Variants in FHIP1A observed in about 807,000 individuals in gnomAD.
FHIP1A encodes the protein FHF complex subunit HOOK-interacting protein 1A.
In FHIP1A, 61 loss-of-function variants were observed where a neutral mutation model predicts 88.6. The observed-to-expected ratio is 0.69, with a 90% confidence interval of 0.56 to 0.85. The LOEUF is 0.85. FHIP1A is among the 40% of genes least tolerant of loss of function. FHIP1A has a pLI of 0.00. For missense variants in FHIP1A, 1,154 were observed against 1,273.5 expected (o/e 0.91, Z 1.43); for synonymous variants, 478 against 496.0 (o/e 0.96, Z 0.48).
chr4:151,658,121 G>A (rs753184030), intron 13 of FHIP1A, among the ~76,000 whole-genome samples: 1 of 152,192 alleles, frequency 6.6e-6, no homozygotes, highest in Non-Finnish European at 1.5e-5. Context: ...GCATCTCTGT[G>A]AGAAGGTAGA....
chr4:151,650,157 C>T lies in FHIP1A; in HGVS notation c.2116C>T (p.His706Tyr), dbSNP rs372962724. ...GAATAGGGACAATTCAGACCCGTTT[C>T]ACAGTGAGCCCAAGGAGCCAAAGCA... Reference protein sequence around the residue: ...EWNRDNSDPFHSEPKEPKQER... With the variant: ...EWNRDNSDPFYSEPKEPKQER... Residue 706 changes from histidine to tyrosine, a missense_variant, in exon 11 of 14, where the codon CAC (histidine) becomes TAC (tyrosine). By Grantham distance (83) the His-to-Tyr change is moderately conservative. Transcript: ENST00000435205. The T allele has an allele frequency of 6.4e-6, 10 of 1,551,602 alleles. No individual in the cohort carries two copies. The African/African-American group carries it at 6.8e-5, about 11-fold the overall frequency.
chr4:151,521,582 T>C (rs918414625), intron 3 of FHIP1A, among the ~76,000 whole-genome samples: 1 of 152,202 alleles, frequency 6.6e-6, no homozygotes, highest in African/African-American at 2.4e-5. Context: ...AACAGTATCA[T>C]AGGAACCTTG....
intron 1 of FHIP1A, among the ~76,000 whole-genome samples, chr4:151,445,479 G>A (rs1728560475): frequency 6.6e-6 from 1 of 151,972 alleles, no homozygotes; most frequent in African/African-American, 2.4e-5. Context: ...GGGTGGAGGA[G>A]TGGGGATGAA....
chr4:151,556,821 G>A (rs916663470), intron 3 of FHIP1A, among the ~76,000 whole-genome samples: 2 of 152,192 alleles, frequency 1.3e-5, no homozygotes, highest in African/African-American at 2.4e-5. Flanking sequence ...CATAGTGTGG[G>A]TATCTCACTG....
chr4:151,499,845 G>C (rs528486304), intron 3 of FHIP1A, among the ~76,000 whole-genome samples: 1 of 152,162 alleles, frequency 6.6e-6, no homozygotes, highest in Non-Finnish European at 1.5e-5. Flanking sequence ...AACAGCATGA[G>C]AGTAACCGCC....
chr4:151,607,734 G>A (rs1735127316), intron 7 of FHIP1A, among the ~76,000 whole-genome samples: 1 of 152,066 alleles, frequency 6.6e-6, no homozygotes, highest in South Asian at 2.1e-4. Flanking sequence ...ACCTTATCGG[G>A]CTTTTGTAAA....
Position 151,667,823 on chromosome 4 carries a change from T to TTCG in FHIP1A, c.*5070_*5072dup, listed in dbSNP as rs1490442013. Among the ~76,000 whole-genome samples the TTCG allele has an allele frequency of 2.6e-5, 4 of 152,254 alleles. No homozygotes were observed. Among genetic ancestry groups the TTCG allele is most frequent in the Non-Finnish European group, 5.9e-5 (4 of 68,048 alleles). ...GGCCAATAGGACCTGTCAGCATGAC[T>TTCG]TCGACATGCATTCCAGGCATCTTTC... On this transcript the variant is annotated 3_prime_UTR_variant, in exon 14 of 14. Coordinates refer to ENST00000435205, the MANE Select transcript of FHIP1A (RefSeq NM_001109977.3).
chr4:151,471,285 CTT>C (rs35143840), intron 2 of FHIP1A, among the ~76,000 whole-genome samples: 230 of 136,190 alleles, frequency 1.7e-3, no homozygotes, highest in Middle Eastern at 7.7e-3. Context: ...GGAATTGTTC[CTT>C]TTTTTTTTTT....
intron 4 of FHIP1A, among the ~76,000 whole-genome samples, chr4:151,576,318 G>A (rs533792317): frequency 6.6e-6 from 1 of 152,198 alleles, no homozygotes; most frequent in South Asian, 2.1e-4. Flanking sequence ...AACCAATTTT[G>A]TTTTTTGTTT....
At chr4:151,604,322 C>T (rs1202818743) in intron 7 of FHIP1A, among the ~76,000 whole-genome samples, 1 of 152,006 alleles carries the variant, frequency 6.6e-6, no homozygotes, top group African/African-American at 2.4e-5. Context: ...ACCCTGCTTC[C>T]CTGCTCTTTC....
At chr4:151,570,422 T>A (rs1462683124) in intron 4 of FHIP1A, among the ~76,000 whole-genome samples, 1 of 152,136 alleles carries the variant, frequency 6.6e-6, no homozygotes, top group Admixed American at 6.5e-5. Context: ...ATTCTATCAC[T>A]CTTACACCAA....
chr4:151,584,690 A>T (rs1340262070), intron 5 of FHIP1A, among the ~76,000 whole-genome samples: 1 of 152,112 alleles, frequency 6.6e-6, no homozygotes. Context: ...ATGTTGTCCT[A>T]TAAAACCCTG....
At chr4:151,518,076 C>T (rs1299911596) in intron 3 of FHIP1A, among the ~76,000 whole-genome samples, 1 of 152,168 alleles carries the variant, frequency 6.6e-6, no homozygotes, top group African/African-American at 2.4e-5. Context: ...TGTCCTAGGC[C>T]TTCACATTCA....
rs1736945167 is a variant in FHIP1A at position 151,649,850 on chromosome 4, G to T, written c.1809G>T (p.Glu603Asp). 1 of 1,551,548 alleles carries T rather than the reference G, an allele frequency of 6.4e-7. No homozygotes were observed. The highest frequency in any genetic ancestry group is 1.4e-5 in the African/African-American group (1 of 73,032). ...VGSPGPYDDL[E>D]VSGPPAPIDP... ...CCCCAGGGCCTTATGATGATCTGGA[G>T]GTTTCAGGCCCCCCAGCACCCATTG... The change falls in exon 11 of 14, where the codon GAG (glutamate) becomes GAT (aspartate). Residue 603 changes from glutamate (E) to aspartate (D), a missense_variant. By Grantham distance (45) the Glu-to-Asp change is conservative. Coordinates refer to ENST00000435205, the MANE Select transcript of FHIP1A (RefSeq NM_001109977.3).
intron 13 of FHIP1A, among the ~76,000 whole-genome samples, chr4:151,660,629 G>A (rs560627005): frequency 7.9e-5 from 12 of 152,362 alleles, no homozygotes; most frequent in African/African-American, 2.6e-4. Context: ...GAGTCTAGCA[G>A]AGGTGATAAA....
At chr4:151,631,391 A>G (rs552151670) in intron 8 of FHIP1A, among the ~76,000 whole-genome samples, 2 of 152,306 alleles carry the variant, frequency 1.3e-5, no homozygotes, top group East Asian at 3.9e-4. Flanking sequence ...AAATTCTAGA[A>G]AGACACAAAC....
At chr4:151,561,562 G>T (rs1396144345) in intron 3 of FHIP1A, among the ~76,000 whole-genome samples, 3 of 152,118 alleles carry the variant, frequency 2.0e-5, no homozygotes, top group African/African-American at 7.2e-5. Flanking sequence ...GAGGGCACAA[G>T]GTTCACCTCT....
At chr4:151,437,477 C>T (rs1728246495) in intron 1 of FHIP1A, among the ~76,000 whole-genome samples, 1 of 152,064 alleles carries the variant, frequency 6.6e-6, no homozygotes, top group East Asian at 1.9e-4. Context: ...AATCACCTCT[C>T]TTCTTTCATA....
chr4:151,518,226 C>A (rs1174328394), intron 3 of FHIP1A, among the ~76,000 whole-genome samples: 1 of 152,056 alleles, frequency 6.6e-6, no homozygotes, highest in Non-Finnish European at 1.5e-5. Flanking sequence ...TTTAGATACA[C>A]AAATATTTAC....
Sources: gnomAD v4.1 joint callset for allele counts (sites outside exome capture counted in the v4.1 genomes callset) on GRCh38, gnomAD v4.1.1 for gene constraint, MANE v1.5 for transcripts, NCBI Gene and HGNC (gene_info 2026-07-23, HGNC 2026-07-21) for gene names.